IL2RA: variants seen among roughly 807,000 people sequenced by gnomAD.
IL2RA encodes the protein interleukin 2 receptor subunit alpha.
In IL2RA, 24 loss-of-function variants were observed where a neutral mutation model predicts 37.8. The observed-to-expected ratio is 0.63, with a 90% CI of 0.46 to 0.89. The LOEUF is 0.89. IL2RA is among the 40% of genes least tolerant of loss of function. IL2RA has a pLI of 0.00. For missense variants in IL2RA, 319 were observed against 348.6 expected (o/e 0.92, Z 0.68); for synonymous variants, 125 against 114.6 (o/e 1.09, Z -0.58).
chr10:6,012,757 A>G lies in IL2RA; in HGVS notation c.*115T>C. 1 of 1,107,036 alleles carries G rather than the reference A, an allele frequency of 9.0e-7. No homozygotes were observed. The allele number at this position is 1,107,036 out of a possible 1,614,324, so 68.6% of individuals were successfully genotyped here. On this transcript the variant is annotated 3_prime_UTR_variant, in exon 8 of 8. Transcript: ENST00000379959. This position sits in a 1 kb window ranked among gnomAD's most constrained non-coding sequence, Gnocchi z 4.8. ...CTTCAGAGCTTCCAAAACGCAGGCAAGCACAACGGATGTCTCCTGGGCGAC... is the reference window on the plus strand; with the variant it reads ...CTTCAGAGCTTCCAAAACGCAGGCAGGCACAACGGATGTCTCCTGGGCGAC...
At chr10:6,060,763 T>TA (rs12722488) in intron 1 of IL2RA, among the ~76,000 whole-genome samples, 30,399 of 148,438 alleles carry the variant, frequency 0.2, 3,629 homozygotes, top group East Asian at 0.34. Context: ...TCTCAAAAAG[T>TA]AAAAAAAAAA....
chr10:6,045,187 CACA>C (rs1839831380), intron 1 of IL2RA, among the ~76,000 whole-genome samples: 3 of 152,166 alleles, frequency 2.0e-5, no homozygotes, highest in African/African-American at 4.8e-5. Flanking sequence ...TTATCTGACC[CACA>C]GTTTCTGAGG....
At position 6,015,285 on chromosome 10, in the gene IL2RA, G is replaced by A. The variant is rs1839257767; in HGVS notation, c.795-2389C>T. Among the ~76,000 whole-genome samples the A allele has an allele frequency of 6.6e-6, 1 of 151,970 alleles. No homozygotes were observed. Among genetic ancestry groups the A allele is most frequent in the South Asian group, 2.1e-4 (1 of 4,806 alleles). ...TTTTTGTATTTTTAGAAGAGACAGG[G>A]TTTCTCCATGTTGGCCAGGCTGGTC... On this transcript the variant is annotated intron_variant, in intron 7 of 7. Transcript: ENST00000379959. The surrounding 1 kb of genome is among the most constrained non-coding windows in gnomAD (Gnocchi z 4.9).
At chr10:6,019,982 G>A in intron 4 of IL2RA, 41 bp from the exon 5 acceptor site, 1 of 1,557,736 alleles carries the variant, frequency 6.4e-7, no homozygotes, top group Non-Finnish European at 8.9e-7. Context: ...GCTAAACACA[G>A]GAGTCAGGGC....
chr10:6,014,143 G>T lies in IL2RA; in HGVS notation c.795-1247C>A, dbSNP rs1202095659. Among the ~76,000 whole-genome samples, 1 of 152,108 alleles carries T rather than the reference G, an allele frequency of 6.6e-6. No homozygotes were observed. Among genetic ancestry groups the T allele is most frequent in the East Asian group, 1.9e-4 (1 of 5,188 alleles). ...CTAAATACTTTAATTTTCCATAATG[G>T]CTATGCTTAAAAACCAGTTTGCAGA... On this transcript the variant is annotated intron_variant, in intron 7 of 7. Transcript: ENST00000379959. The surrounding 1 kb of genome is among the most constrained non-coding windows in gnomAD (Gnocchi z 4.4).
intron 1 of IL2RA, among the ~76,000 whole-genome samples, chr10:6,031,482 A>ACATG (rs1564545956): frequency 3.1e-5 from 1 of 31,854 alleles, no homozygotes; most frequent in African/African-American, 1.4e-4. Flanking sequence ...ATATATATAT[A>ACATG]TATATATATA....
Position 6,021,362 on chromosome 10 carries a change from G to T in IL2RA, c.583+116C>A. On this transcript the variant is annotated intron_variant, in intron 4 of 7. Coordinates refer to ENST00000379959, the MANE Select transcript of IL2RA (RefSeq NM_000417.3). The surrounding 1 kb of genome is among the most constrained non-coding windows in gnomAD (Gnocchi z 4.9). ...ATGAGAAAAAATGGAAGCCCAGGGA[G>T]ATCAAGGGTCTTGTCCAAGGACCAC... 2.2e-6 allele frequency: 2 copies of T among 897,182 alleles called. No individual in the cohort carries two copies. The highest frequency in any genetic ancestry group is 3.7e-6 in the Non-Finnish European group (2 of 537,788). The allele number at this position is 897,182 out of a possible 1,614,324, so 55.6% of individuals were successfully genotyped here. A position where few individuals can be genotyped will look rare whatever the true frequency, so the allele number is the denominator to read the frequency against.
intron 1 of IL2RA, among the ~76,000 whole-genome samples, chr10:6,053,642 C>T (rs1165554768): frequency 6.6e-6 from 1 of 152,188 alleles, no homozygotes; most frequent in Non-Finnish European, 1.5e-5. Context: ...CTTTCACAAA[C>T]TTCCTTATTT....
In IL2RA at chr10:6,012,249, C is replaced by T. The variant is rs1445854762; in HGVS notation, c.*623G>A. 1 of 152,764 alleles carries T rather than the reference C, an allele frequency of 6.5e-6. No homozygotes were observed. The highest frequency in any genetic ancestry group is 2.4e-5 in the African/African-American group (1 of 41,390). 9.5% of individuals were successfully genotyped at this position (152,764 alleles called of 1,614,324 possible). Reference sequence around the variant, plus strand: ...CCATGGCCTCTGTTTTTTAGAAATTCAAGACTGAAGGCTCAGTAGAAGGGG... The same window carrying T: ...CCATGGCCTCTGTTTTTTAGAAATTTAAGACTGAAGGCTCAGTAGAAGGGG... On this transcript the variant is annotated 3_prime_UTR_variant, in exon 8 of 8. Transcript: ENST00000379959. This position sits in a 1 kb window ranked among gnomAD's most constrained non-coding sequence, Gnocchi z 4.8.
At position 6,020,053 on chromosome 10, in the gene IL2RA, T is replaced by TG. The variant is rs1839360356; in HGVS notation, c.584-113_584-112insC. ...CCAGACACGCCCGAGGAGGCAGGAA[T>TG]CCTGGTGTGGGCACTTCGCCAGGGA... is the stretch of plus-strand genomic sequence containing the variant. On this transcript the variant is annotated intron_variant, in intron 4 of 7. Coordinates refer to ENST00000379959, the MANE Select transcript of IL2RA (RefSeq NM_000417.3). This position sits in a 1 kb window ranked among gnomAD's most constrained non-coding sequence, Gnocchi z 5.6. The TG allele has an allele frequency of 1.1e-6, 1 of 876,400 alleles. No individual in the cohort carries two copies. Among genetic ancestry groups the TG allele is most frequent in the Non-Finnish European group, 1.9e-6 (1 of 525,562 alleles). The allele number at this position is 876,400 out of a possible 1,614,324, so 54.3% of individuals were successfully genotyped here.
chr10:6,025,816 C>A lies in IL2RA; in HGVS notation c.256+18G>T. 6.2e-7 allele frequency: 1 copy of A among 1,613,116 alleles called. No homozygotes were observed. The highest frequency in any genetic ancestry group is 1.1e-5 in the South Asian group (1 of 91,030). ...CTGCAGTTCTTTTGTTCTTGGTAGT[C>A]ACAGAAGGGACACTTACCAGAGCTT... On this transcript the variant is annotated intron_variant, in intron 2 of 7. Transcript: ENST00000379959. The surrounding 1 kb of genome is among the most constrained non-coding windows in gnomAD (Gnocchi z 4.4).
intron 1 of IL2RA, among the ~76,000 whole-genome samples, chr10:6,061,001 T>G (rs977617978): frequency 2.0e-5 from 3 of 152,180 alleles, no homozygotes; most frequent in Non-Finnish European, 4.4e-5. Flanking sequence ...TTATCTGTCT[T>G]CCTGAGTAAG....
chr10:6,026,762 A>T (rs1302261504), intron 1 of IL2RA, among the ~76,000 whole-genome samples: 1 of 152,218 alleles, frequency 6.6e-6, no homozygotes, highest in Non-Finnish European at 1.5e-5. Context: ...GAAATATCAC[A>T]TGCTGGATAA....
At position 6,025,705 on chromosome 10, in the gene IL2RA, TAA is replaced by T; in HGVS notation, c.256+127_256+128del. 1.1e-6 allele frequency: 1 copy of T among 880,280 alleles called. No individual in the cohort carries two copies. The highest frequency in any genetic ancestry group is 1.8e-6 in the Non-Finnish European group (1 of 544,048). The allele number at this position is 880,280 out of a possible 1,614,324, so 54.5% of individuals were successfully genotyped here. On this transcript the variant is annotated intron_variant, in intron 2 of 7. Transcript: ENST00000379959. The surrounding 1 kb of genome is among the most constrained non-coding windows in gnomAD (Gnocchi z 4.4). The stretch of plus-strand genomic sequence containing the variant: ...TAGTGAATGACTTTTCAGGAACCAC[TAA>T]AATTAGTTATCCTGTAGACTGGACT...
chr10:6,052,226 G>T (rs919484559), intron 1 of IL2RA, among the ~76,000 whole-genome samples: 2 of 152,108 alleles, frequency 1.3e-5, no homozygotes, highest in African/African-American at 4.8e-5. Flanking sequence ...GCTCTCTGCT[G>T]TCCTCTCTGT....
At chr10:6,037,649 G>A (rs946333601) in intron 1 of IL2RA, among the ~76,000 whole-genome samples, 2 of 152,176 alleles carry the variant, frequency 1.3e-5, no homozygotes, top group African/African-American at 4.8e-5. Flanking sequence ...TTCATCTTCT[G>A]TGTCAGAATC....
rs1483153408 is a variant in IL2RA, at chr10:6,018,269, C to T, written c.728-150G>A. ...CCCTGTCTCAGGAAGTAGGTCCCTC[C>T]CCATGGGATTTCCTAGGAGTCTTGA... is the stretch of plus-strand genomic sequence containing the variant. On this transcript the variant is annotated intron_variant, in intron 6 of 7. Coordinates refer to ENST00000379959, the MANE Select transcript of IL2RA (RefSeq NM_000417.3). The surrounding 1 kb of genome is among the most constrained non-coding windows in gnomAD (Gnocchi z 5.1). 1 of 691,440 alleles carries T rather than the reference C, an allele frequency of 1.4e-6. No homozygotes were observed. Among genetic ancestry groups the T allele is most frequent in the African/African-American group, 1.8e-5 (1 of 56,630 alleles). 42.8% of individuals were successfully genotyped at this position (691,440 alleles called of 1,614,324 possible). A position where few individuals can be genotyped will look rare whatever the true frequency, so the allele number is the denominator to read the frequency against.
chr10:6,023,436 A>C (rs1839421699), intron 3 of IL2RA, among the ~76,000 whole-genome samples: 2 of 152,138 alleles, frequency 1.3e-5, no homozygotes, highest in South Asian at 2.1e-4. Flanking sequence ...CCTGATTTCA[A>C]GCAATTCTCA....
Position 6,057,514 on chromosome 10 carries a change from G to T in IL2RA, c.64+4574C>A, listed in dbSNP as rs1289181153. ...TTGACATAGAGTGAAGGAACTGGAA[G>T]GGAGTTTCAAGATCCCTGGGTGACC... On this transcript the variant is annotated intron_variant, in intron 1 of 7. Coordinates refer to ENST00000379959, the MANE Select transcript of IL2RA (RefSeq NM_000417.3). This position sits in a 1 kb window ranked among gnomAD's most constrained non-coding sequence, Gnocchi z 4.8. Among the ~76,000 whole-genome samples the T allele has an allele frequency of 2.0e-5, 3 of 152,156 alleles. No homozygotes were observed. The highest frequency in any genetic ancestry group is 2.9e-5 in the Non-Finnish European group (2 of 68,036).
Sources: allele counts gnomAD v4.1 joint callset (sites outside exome capture counted in the v4.1 genomes callset), GRCh38; gene constraint gnomAD v4.1.1; non-coding constraint Gnocchi (gnomAD v3.1); transcripts MANE v1.5; gene names NCBI Gene and HGNC (gene_info 2026-07-23, HGNC 2026-07-21).